STAU2: variants seen among roughly 807,000 people sequenced by gnomAD.
STAU2 encodes the protein double-stranded RNA-binding protein Staufen homolog 2.
STAU2 carries 20 observed loss-of-function variants against 65.9 expected under a neutral mutation model. The observed-to-expected ratio is 0.30, with a 90% CI of 0.21 to 0.44. The LOEUF (loss-of-function observed/expected upper bound fraction) is 0.44, where lower values mean the gene tolerates loss of function less well. Ranked by LOEUF, STAU2 falls within the 20% of genes least tolerant of loss-of-function variation. STAU2 has a pLI of 1.00. For missense variants in STAU2, 558 were observed against 683.9 expected, an observed-to-expected ratio of 0.82 and a Z score of 2.05; for synonymous variants, 232 against 233.9, an observed-to-expected ratio of 0.99 and a Z score of 0.07.
At chr8:73,549,578 ACAAAATT>A (rs1807173823) in intron 13 of STAU2, 8 of 939,546 alleles carry the variant, frequency 8.5e-6, no homozygotes, top group Non-Finnish European at 1.0e-5. Flanking sequence ...GGGTGATGAA[ACAAAATT>A]AAAAGTTAAA....
chr8:73,446,482 TAACC>T (rs1288981553), intron 13 of STAU2, among the ~76,000 whole-genome samples: 1 of 152,228 alleles, frequency 6.6e-6, no homozygotes, highest in East Asian at 1.9e-4. Context: ...CAGTGAGATG[TAACC>T]ACTGGAAGAG....
chr8:73,704,411 A>T lies in STAU2; in HGVS notation c.114+4621T>A, dbSNP rs7006405. 2.2e-3 allele frequency among the ~76,000 whole-genome samples: 341 copies of T among 152,152 alleles called. 2 individuals are homozygous for T. Among genetic ancestry groups the T allele is most frequent in the African/African-American group, 7.3e-3 (304 of 41,532 alleles). Reference sequence around the variant, plus strand: ...TAAAAAGACATCTCTAAGTCTAATTAAAAAAAAGATGGATACAGACCATGT... The same window carrying T: ...TAAAAAGACATCTCTAAGTCTAATTTAAAAAAAGATGGATACAGACCATGT... On this transcript the variant is annotated intron_variant, in intron 4 of 14. Transcript: ENST00000524300.
chr8:73,442,081 G>A (rs1262328323), intron 13 of STAU2, among the ~76,000 whole-genome samples: 3 of 152,104 alleles, frequency 2.0e-5, no homozygotes, highest in African/African-American at 7.2e-5. Context: ...TAGGCCAGGC[G>A]CAGTGGCTCA....
intron 13 of STAU2, among the ~76,000 whole-genome samples, chr8:73,470,607 G>A (rs1819936205): frequency 6.6e-6 from 1 of 152,080 alleles, no homozygotes; most frequent in Non-Finnish European, 1.5e-5. Context: ...AGACCAGCCT[G>A]GGCAACACAG....
intron 6 of STAU2, among the ~76,000 whole-genome samples, chr8:73,666,021 C>T (rs1014567244): frequency 6.6e-6 from 1 of 151,954 alleles, no homozygotes; most frequent in African/African-American, 2.4e-5. Flanking sequence ...CAGATGCAAC[C>T]ACCCTTTTTT....
chr8:73,738,753 T>C (rs1806622679), intron 2 of STAU2, among the ~76,000 whole-genome samples: 2 of 152,216 alleles, frequency 1.3e-5, no homozygotes, highest in Admixed American at 1.3e-4. Flanking sequence ...ATTTAATGTA[T>C]ACTTCCCTTT....
At chr8:73,697,704 AGAG>A (rs1819781243) in intron 4 of STAU2, among the ~76,000 whole-genome samples, 1 of 152,236 alleles carries the variant, frequency 6.6e-6, no homozygotes. Context: ...GTTAAAGTGT[AGAG>A]TTTTAATTAA....
chr8:73,617,764 C>T (rs1812935024), intron 6 of STAU2, among the ~76,000 whole-genome samples: 1 of 152,156 alleles, frequency 6.6e-6, no homozygotes, highest in Admixed American at 6.5e-5. Context: ...AGTAAGAGAA[C>T]AGTCTGATGA....
chr8:73,595,121 G>C (rs1222276312), intron 11 of STAU2, 45 bp downstream of exon 11: 2 of 1,475,220 alleles, frequency 1.4e-6, no homozygotes, highest in South Asian at 2.8e-5. Context: ...TAATCACTTT[G>C]ATATTATGAC....
At chr8:73,444,383 GCAA>G (rs1475772229) in intron 13 of STAU2, among the ~76,000 whole-genome samples, 14 of 139,926 alleles carry the variant, frequency 1.0e-4, no homozygotes, top group Admixed American at 1.5e-4. Flanking sequence ...TCCAGCCTAA[GCAA>G]CAACAAGAGC....
intron 13 of STAU2, among the ~76,000 whole-genome samples, chr8:73,538,202 C>A (rs145370897): frequency 0.015 from 2,251 of 152,166 alleles, 19 homozygotes; most frequent in South Asian, 0.026. Flanking sequence ...AAAATCTGTA[C>A]ATTAGTTAAG....
chr8:73,437,158 G>C (rs1453111863), intron 13 of STAU2, among the ~76,000 whole-genome samples: 1 of 152,028 alleles, frequency 6.6e-6, no homozygotes, highest in Non-Finnish European at 1.5e-5. Flanking sequence ...GCAGGATAAG[G>C]GCCCCCAAAG....
chr8:73,654,541 G>A (rs1029901458), intron 6 of STAU2, among the ~76,000 whole-genome samples: 4 of 145,860 alleles, frequency 2.7e-5, no homozygotes, highest in East Asian at 4.1e-4. Context: ...TAGAGAGACT[G>A]AGGTGGAAGG....
intron 13 of STAU2, chr8:73,550,304 T>G (rs1807240527): frequency 9.1e-6 from 9 of 983,608 alleles, no homozygotes; most frequent in Non-Finnish European, 1.1e-5. Flanking sequence ...GGAAGCAGAC[T>G]CTACATGTTG....
chr8:73,734,233 G>T (rs201154672), intron 3 of STAU2, among the ~76,000 whole-genome samples: 1,754 of 131,480 alleles, frequency 0.013, 127 homozygotes, highest in Admixed American at 0.11. Context: ...TTCAGGGTTT[G>T]TTTTTTTTTT....
chr8:73,490,894 C>T (rs1013459810), intron 13 of STAU2, among the ~76,000 whole-genome samples: 2 of 151,888 alleles, frequency 1.3e-5, no homozygotes, highest in African/African-American at 2.4e-5. Context: ...AAAATTAGAG[C>T]TTCATAAGAA....
intron 6 of STAU2, among the ~76,000 whole-genome samples, chr8:73,649,245 C>T (rs780915959): frequency 1.3e-5 from 2 of 152,148 alleles, no homozygotes; most frequent in African/African-American, 2.4e-5. Context: ...CTAACTCAGC[C>T]AGTTAAAAAT....
chr8:73,743,656 A>G (rs1188795334), intron 1 of STAU2, among the ~76,000 whole-genome samples: 1 of 150,960 alleles, frequency 6.6e-6, no homozygotes, highest in African/African-American at 2.4e-5. Flanking sequence ...CATTTTTAGT[A>G]GAGACGGGGT....
chr8:73,660,814 G>A (rs1460560816), intron 6 of STAU2, among the ~76,000 whole-genome samples: 4 of 152,002 alleles, frequency 2.6e-5, no homozygotes, highest in Admixed American at 6.5e-5. Context: ...ATTTTAACAC[G>A]GGCCAAAAAT....
Sources: allele counts gnomAD v4.1 joint callset (sites outside exome capture counted in the v4.1 genomes callset), GRCh38; gene constraint gnomAD v4.1.1; transcripts MANE v1.5; gene names NCBI Gene and HGNC (gene_info 2026-07-23, HGNC 2026-07-21).